The following TRPM3 variants were observed in gnomAD, a reference collection of about 807,000 sequenced individuals.
TRPM3 encodes the protein transient receptor potential cation channel subfamily M member 3.
A neutral mutation model predicts 181.2 loss-of-function variants in TRPM3; 77 were observed. That is an observed-to-expected ratio of 0.42 (90% CI 0.35 to 0.51). The LOEUF is 0.51. TRPM3 is among the 20% of genes least tolerant of loss of function. The pLI, the probability that TRPM3 is intolerant of heterozygous loss-of-function variation, is 0.01. For missense variants in TRPM3, 1,759 were observed against 2,196.7 expected (o/e 0.80, Z 3.98); for synonymous variants, 745 against 796.4 (o/e 0.94, Z 1.09).
rs779989690 is a variant in TRPM3, at chr9:70,846,397, G to A, written c.657C>T (p.Phe219=). The A allele has an allele frequency of 9.9e-6, 16 of 1,614,060 alleles. No individual in the cohort carries two copies. Among genetic ancestry groups the A allele is most frequent in the Non-Finnish European group, 1.4e-5 (16 of 1,179,960 alleles). Residue 219 remains phenylalanine, a synonymous_variant, in exon 4 of 26, where the codon TTC becomes TTT. Coordinates refer to ENST00000677713, the MANE Select transcript of TRPM3 (RefSeq NM_001366145.2). ...KAAMTTGAWI[F]TGGVNTGVIR... ...AATTACCTGTGTTAACCCCTCCAGT[G>A]AATATCCACGCTCCAGTTGTCATTG...
intron 6 of TRPM3, among the ~76,000 whole-genome samples, chr9:70,787,725 A>G (rs2084010019): frequency 6.7e-6 from 1 of 150,154 alleles, no homozygotes; most frequent in Non-Finnish European, 1.5e-5. Flanking sequence ...GGGTAGACAC[A>G]AAAATGTTTC....
intron 1 of TRPM3, among the ~76,000 whole-genome samples, chr9:70,945,436 T>A (rs953615155): frequency 1.3e-5 from 2 of 152,190 alleles, no homozygotes; most frequent in Non-Finnish European, 2.9e-5. Flanking sequence ...ACATCAGCTT[T>A]CTTGTCTGTA....
chr9:71,352,005 A>G (rs1280300868), intron 1 of TRPM3, among the ~76,000 whole-genome samples: 1 of 151,204 alleles, frequency 6.6e-6, no homozygotes, highest in South Asian at 2.1e-4. Flanking sequence ...CCTCCCGAGT[A>G]GCTGGGACTA....
intron 1 of TRPM3, among the ~76,000 whole-genome samples, chr9:70,884,065 T>A (rs1299382395): frequency 1.3e-5 from 2 of 152,120 alleles, no homozygotes; most frequent in African/African-American, 4.8e-5. Flanking sequence ...GTGGTTCATC[T>A]AAGGGAATTT....
At chr9:70,838,890 T>G in intron 5 of TRPM3, among the ~76,000 whole-genome samples, 1 of 152,122 alleles carries the variant, frequency 6.6e-6, no homozygotes, top group East Asian at 1.9e-4. Flanking sequence ...AATATTTAAA[T>G]TTAAAACATC....
chr9:71,170,623 C>A (rs1328558055), intron 1 of TRPM3, among the ~76,000 whole-genome samples: 4 of 152,172 alleles, frequency 2.6e-5, no homozygotes, highest in Non-Finnish European at 5.9e-5. Context: ...TTACTGCAAT[C>A]TCTAAACATA....
intron 6 of TRPM3, among the ~76,000 whole-genome samples, chr9:70,797,336 A>T (rs2087388121): frequency 6.6e-6 from 1 of 152,168 alleles, no homozygotes; most frequent in Admixed American, 6.5e-5. Context: ...GGCTACTGAG[A>T]TTACTTCCTA....
intron 1 of TRPM3, among the ~76,000 whole-genome samples, chr9:71,268,336 C>G (rs527376905): frequency 6.6e-6 from 1 of 151,952 alleles, no homozygotes; most frequent in Non-Finnish European, 1.5e-5. Context: ...GCCGTGATCA[C>G]GCCACTGCTC....
At chr9:71,360,862 C>T (rs2092113007) in intron 1 of TRPM3, among the ~76,000 whole-genome samples, 1 of 151,768 alleles carries the variant, frequency 6.6e-6, no homozygotes, top group African/African-American at 2.4e-5. Flanking sequence ...TTAAAATGAT[C>T]CAGAAAAAAA....
At chr9:71,114,798 C>T (rs908999712) in intron 1 of TRPM3, among the ~76,000 whole-genome samples, 2 of 152,098 alleles carry the variant, frequency 1.3e-5, no homozygotes, top group African/African-American at 4.8e-5. Flanking sequence ...AGAAAGGGGG[C>T]ATATGTAGGA....
rs529182448 is a variant in TRPM3, at chr9:70,936,780, A to T, written c.178-72269T>A. Reference sequence around the variant, plus strand: ...CAGAAGAGAGCTGTCCCTGTACGTAAAGTGAAATAAGATCAAATTCATTTG... The same window carrying T: ...CAGAAGAGAGCTGTCCCTGTACGTATAGTGAAATAAGATCAAATTCATTTG... On this transcript the variant is annotated intron_variant, in intron 1 of 25. Transcript: ENST00000677713. Among the ~76,000 whole-genome samples, 217 of 152,294 alleles carry T rather than the reference A, an allele frequency of 1.4e-3. 1 individual carries two copies. Among genetic ancestry groups the T allele is most frequent in the African/African-American group, 5.0e-3 (209 of 41,564 alleles).
rs747252764 is a variant in TRPM3, at chr9:71,121,134, T to TA, written c.177+43dup. The TA allele has an allele frequency of 3.2e-6, 5 of 1,583,068 alleles. No homozygotes were observed. In the African/African-American group the frequency reaches 5.5e-5, roughly 17 times the overall value. On this transcript the variant is annotated intron_variant, in intron 1 of 25. Transcript: ENST00000677713. ...AGTCCCCAAGTTGGGTATTTAAATC[T>TA]AAAAAGCACAATTAGCGCCATTCAA...
intron 1 of TRPM3, among the ~76,000 whole-genome samples, chr9:70,962,887 G>A (rs144984260): frequency 1.3e-3 from 198 of 152,212 alleles, no homozygotes; most frequent in African/African-American, 4.4e-3. Context: ...AGTGCTCAGC[G>A]GAATGTCTGG....
At chr9:70,701,710 A>G (rs1011975575) in intron 8 of TRPM3, among the ~76,000 whole-genome samples, 2 of 152,208 alleles carry the variant, frequency 1.3e-5, no homozygotes, top group Non-Finnish European at 2.9e-5. Flanking sequence ...TCTACTAGGA[A>G]GTTAAGAATT....
chr9:71,115,156 A>G (rs1435439970), intron 1 of TRPM3, among the ~76,000 whole-genome samples: 1 of 152,174 alleles, frequency 6.6e-6, no homozygotes, highest in Non-Finnish European at 1.5e-5. Context: ...CTTCCCAGAT[A>G]CCAGCATCAG....
intron 9 of TRPM3, among the ~76,000 whole-genome samples, chr9:70,671,042 A>G (rs1333053120): frequency 6.6e-6 from 1 of 152,204 alleles, no homozygotes; most frequent in Non-Finnish European, 1.5e-5. Context: ...CACTGTGTAT[A>G]TGAGTACACT....
intron 2 of TRPM3, among the ~76,000 whole-genome samples, chr9:70,864,112 T>A (rs1364724721): frequency 3.3e-5 from 5 of 152,056 alleles, no homozygotes; most frequent in Admixed American, 3.3e-4. Context: ...GTGTTGGTAC[T>A]AACTAAGCAT....
intron 1 of TRPM3, among the ~76,000 whole-genome samples, chr9:71,329,368 C>T (rs1046240888): frequency 2.0e-5 from 3 of 152,276 alleles, no homozygotes; most frequent in East Asian, 3.9e-4. Flanking sequence ...GAATTAAATA[C>T]CATTTTAACT....
At position 70,552,940 on chromosome 9, in the gene TRPM3, G is replaced by C; in HGVS notation, c.3478C>G (p.Leu1160Val). Reference protein sequence around the residue: ...FHERPVLPPPLIIFSHMTMIF... With the variant: ...FHERPVLPPPVIIFSHMTMIF... ...ATGGTCATGTGGCTGAAGATGATCAGTGGTGGGGGCAGAACTGGCCTTTCA... is the reference window on the plus strand; with the variant it reads ...ATGGTCATGTGGCTGAAGATGATCACTGGTGGGGGCAGAACTGGCCTTTCA... Residue 1160 changes from leucine (L) to valine (V), a missense_variant, in exon 24 of 26, where the codon CTG becomes GTG. By Grantham distance (32) the Leu-to-Val change is conservative. Around this residue, in one of 8 missense-constraint regions of TRPM3, gnomAD observed 94 missense variants for 221.3 expected, o/e 0.42. Coordinates refer to ENST00000677713, the MANE Select transcript of TRPM3 (RefSeq NM_001366145.2). The C allele has an allele frequency of 6.2e-7, 1 of 1,614,204 alleles. No homozygotes were observed. Among genetic ancestry groups the C allele is most frequent in the East Asian group, 2.2e-5 (1 of 44,888 alleles).
Sources: allele counts gnomAD v4.1 joint callset (sites outside exome capture counted in the v4.1 genomes callset), GRCh38; gene constraint gnomAD v4.1.1; regional missense constraint gnomAD v4.1.1; transcripts MANE v1.5; gene names NCBI Gene and HGNC (gene_info 2026-07-23, HGNC 2026-07-21).